The following PKHD1 variants were observed in gnomAD, a reference collection of about 807,000 sequenced individuals.
The protein encoded by PKHD1 is PKHD1 ciliary IPT domain containing fibrocystin/polyductin.
A neutral mutation model predicts 412.0 loss-of-function variants in PKHD1; 291 were observed. That is an observed-to-expected ratio of 0.71 (90% CI 0.64 to 0.78). PKHD1 has a LOEUF of 0.78. PKHD1 is among the 30% of genes least tolerant of loss of function. The pLI, the probability that PKHD1 is intolerant of heterozygous loss-of-function variation, is 0.00. For missense variants in PKHD1, 4,825 were observed against 4,950.7 expected (o/e 0.97, Z 0.76); for synonymous variants, 1,777 against 1,821.5 (o/e 0.98, Z 0.62).
At chr6:52,061,398 G>C (rs1432439344) in intron 14 of PKHD1, among the ~76,000 whole-genome samples, 2 of 152,048 alleles carry the variant, frequency 1.3e-5, no homozygotes, top group Non-Finnish European at 2.9e-5. Flanking sequence ...CAAACTCCTA[G>C]ACTCAGGCGA....
At chr6:52,049,187 A>G (rs996272259) in intron 22 of PKHD1, among the ~76,000 whole-genome samples, 10 of 152,326 alleles carry the variant, frequency 6.6e-5, no homozygotes, top group African/African-American at 2.4e-4. Flanking sequence ...ACAAACCTAG[A>G]TGGTACAGCC....
rs764018204 is a variant in PKHD1 at position 52,025,452 on chromosome 6, G to A, written c.4358C>T (p.Pro1453Leu). 3.1e-6 allele frequency: 5 copies of A among 1,607,962 alleles called. No individual in the cohort carries two copies. Among genetic ancestry groups the A allele is most frequent in the Non-Finnish European group, 4.3e-6 (5 of 1,176,124 alleles). ...CQVSLEGDPL[P>L]GASFSLNVTV... ...GACGTTCAGGGAGAAGGAAGCTCCA[G>A]GCAAGGGGTCACCCTCCAGGCTAAC... The change falls in exon 32 of 67, where the codon CCT becomes CTT. Residue 1453 changes from proline (P) to leucine (L), a missense_variant. Physicochemically the swap from Pro to Leu is moderately conservative, Grantham distance 98. Transcript: ENST00000371117.
At chr6:51,974,903 C>A (rs1041265041) in intron 35 of PKHD1, among the ~76,000 whole-genome samples, 2 of 151,964 alleles carry the variant, frequency 1.3e-5, no homozygotes, top group African/African-American at 4.8e-5. Context: ...GACACAGATA[C>A]AGAAGAAAGA....
chr6:52,055,556 C>G (rs375922517), intron 19 of PKHD1, 31 bp downstream of exon 19: 2 of 1,613,420 alleles, frequency 1.2e-6, no homozygotes, highest in Admixed American at 3.3e-5. Context: ...ACCTACCCAC[C>G]TGACCCAGAA....
Position 51,959,883 on chromosome 6 carries a change from T to C in PKHD1, c.5895A>G (p.Leu1965=). 6.2e-7 allele frequency: 1 copy of C among 1,613,172 alleles called. No homozygotes were observed. Among genetic ancestry groups the C allele is most frequent in the Non-Finnish European group, 8.5e-7 (1 of 1,179,312 alleles). ...LLDTNTSILN[L]LHIKGGKLIF... ...AACTTCACACACCTTTAATGTGCAG[T>C]AAGTTGAGGATGCTTGTGTTAGTGT... is the stretch of plus-strand genomic sequence containing the variant. The change falls in exon 36 of 67, where the codon TTA becomes TTG. Residue 1965 remains leucine (L), a synonymous_variant. Transcript: ENST00000371117.
intron 66 of PKHD1, among the ~76,000 whole-genome samples, chr6:51,620,911 C>T (rs9395700): frequency 0.071 from 10,694 of 151,586 alleles, 393 homozygotes; most frequent in East Asian, 0.15. Context: ...CCATGTTATT[C>T]ACATTTTCTG....
chr6:52,043,972 T>C (rs1228849028), intron 25 of PKHD1, among the ~76,000 whole-genome samples: 2 of 152,184 alleles, frequency 1.3e-5, no homozygotes, highest in Admixed American at 6.5e-5. Context: ...GTGATAAATA[T>C]TGAGTAAATT....
chr6:51,906,526 A>G (rs552387722), intron 40 of PKHD1, among the ~76,000 whole-genome samples, 186 bp from the exon 41 acceptor site: 1 of 152,106 alleles, frequency 6.6e-6, no homozygotes, highest in Admixed American at 6.6e-5. Context: ...CCTCAATAAT[A>G]AAAAGGGTGA....
intron 55 of PKHD1, among the ~76,000 whole-genome samples, chr6:51,756,721 T>C (rs1787077186): frequency 6.6e-6 from 1 of 152,214 alleles, no homozygotes; most frequent in African/African-American, 2.4e-5. Context: ...GGATTATTAG[T>C]GATTTTCACT....
At chr6:51,762,113 T>C (rs1788116405) in intron 55 of PKHD1, among the ~76,000 whole-genome samples, 1 of 152,058 alleles carries the variant, frequency 6.6e-6, no homozygotes, top group Non-Finnish European at 1.5e-5. Flanking sequence ...GCCATAGCAA[T>C]GTCTTAACAG....
At position 52,025,905 on chromosome 6, in the gene PKHD1, A is replaced by G; in HGVS notation, c.3905T>C (p.Val1302Ala). 1 of 1,614,124 alleles carries G rather than the reference A, an allele frequency of 6.2e-7. No homozygotes were observed. Among genetic ancestry groups the G allele is most frequent in the Non-Finnish European group, 8.5e-7 (1 of 1,180,024 alleles). ...TFMYEAAATP[V>A]VTAMQGEITN... ...GATTTCTCCTTGCATGGCAGTGACT[A>G]CTGGTGTTGCTGCCGCTTCATACAT... is the stretch of plus-strand genomic sequence containing the variant. The change falls in exon 32 of 67, where the codon GTA becomes GCA. Residue 1302 changes from valine (V) to alanine (A), a missense_variant. By Grantham distance (64) the Val-to-Ala change is moderately conservative (BLOSUM62 0). Coordinates refer to ENST00000371117, the MANE Select transcript of PKHD1 (RefSeq NM_138694.4).
At chr6:51,719,511 A>C (rs73442835) in intron 60 of PKHD1, among the ~76,000 whole-genome samples, 6,199 of 152,206 alleles carry the variant, frequency 0.041, 369 homozygotes, top group African/African-American at 0.13. Flanking sequence ...CAGTTGGGAC[A>C]AACAAAAATG....
At chr6:51,790,642 A>T (rs1793595420) in intron 53 of PKHD1, among the ~76,000 whole-genome samples, 1 of 152,184 alleles carries the variant, frequency 6.6e-6, no homozygotes, top group Non-Finnish European at 1.5e-5. Flanking sequence ...CTCTCAAGAT[A>T]TCCCACATAA....
chr6:51,785,788 G>A, intron 53 of PKHD1, among the ~76,000 whole-genome samples: 1 of 152,002 alleles, frequency 6.6e-6, no homozygotes, highest in East Asian at 1.9e-4. Context: ...CACAAAATCT[G>A]TTTGGCCAGT....
chr6:51,726,729 G>A (rs560936600), intron 60 of PKHD1, among the ~76,000 whole-genome samples: 16 of 152,266 alleles, frequency 1.1e-4, no homozygotes, highest in Non-Finnish European at 2.1e-4. Flanking sequence ...TCTTGAAAGA[G>A]AAAAAATCTT....
At chr6:51,699,097 C>A (rs2150688730) in intron 60 of PKHD1, among the ~76,000 whole-genome samples, 1 of 152,226 alleles carries the variant, frequency 6.6e-6, no homozygotes, top group Admixed American at 6.5e-5. Flanking sequence ...TTTCTGAATT[C>A]TCATATGGTA....
At chr6:52,055,528 C>T in intron 19 of PKHD1, 59 bp downstream of exon 19, 1 of 1,584,562 alleles carries the variant, frequency 6.3e-7, no homozygotes, top group Non-Finnish European at 8.7e-7. Flanking sequence ...AGTCTTGAAT[C>T]CAGAGAGCAA....
chr6:51,912,049 G>T, intron 38 of PKHD1, 93 bp from the exon 39 acceptor site: 1 of 1,012,154 alleles, frequency 9.9e-7, no homozygotes, highest in Non-Finnish European at 1.5e-6. Context: ...TCTTCCTTTG[G>T]GGATCTATTC....
intron 60 of PKHD1, among the ~76,000 whole-genome samples, chr6:51,740,354 T>C (rs187261160): frequency 2.0e-5 from 3 of 152,294 alleles, no homozygotes; most frequent in Admixed American, 6.5e-5. Context: ...TCTGGGTGAG[T>C]AGTTTTTGTA....
Sources: allele counts gnomAD v4.1 joint callset (sites outside exome capture counted in the v4.1 genomes callset), GRCh38; gene constraint gnomAD v4.1.1; transcripts MANE v1.5; gene names NCBI Gene and HGNC (gene_info 2026-07-23, HGNC 2026-07-21).